ALOXE3: variants seen among roughly 807,000 people sequenced by gnomAD.
ALOXE3 encodes the protein arachidonate epidermal lipoxygenase 3, also known as hydroperoxide isomerase ALOXE3.
A neutral mutation model predicts 87.5 loss-of-function variants in ALOXE3; 78 were observed. The observed-to-expected ratio is 0.89, with a 90% CI of 0.74 to 1.08. ALOXE3 has a LOEUF of 1.08. ALOXE3 is among the 50% of genes least tolerant of loss of function. ALOXE3 has a pLI of 0.00. For missense variants in ALOXE3, 946 were observed against 912.4 expected, an observed-to-expected ratio of 1.04 and a Z score of -0.47; for synonymous variants, 363 against 370.8, an observed-to-expected ratio of 0.98 and a Z score of 0.24.
intron 11 of ALOXE3, 73 bp downstream of exon 11, chr17:8,109,825 GGGGCTTGGGCGCAGAACA>G (rs1979866942): frequency 7.4e-7 from 1 of 1,352,804 alleles, no homozygotes; most frequent in South Asian, 1.3e-5. Flanking sequence ...GTCCTCACAA[GGGGCTTGGGCGCAGAACA>G]GGGCTTGGGG....
chr17:8,097,414 T>C (rs1443795113), intron 15 of ALOXE3, among the ~76,000 whole-genome samples: 1 of 151,908 alleles, frequency 6.6e-6, no homozygotes, highest in Non-Finnish European at 1.5e-5. Context: ...TACCCAAGAA[T>C]ATAACAATTA....
chr17:8,114,410 G>T, intron 6 of ALOXE3, 74 bp downstream of exon 6: 2 of 1,604,156 alleles, frequency 1.2e-6, no homozygotes, highest in Non-Finnish European at 1.7e-6. Context: ...GGGAGAAGGG[G>T]CAGTCTGGGA....
intron 13 of ALOXE3, among the ~76,000 whole-genome samples, chr17:8,106,206 G>A (rs1156509702): frequency 6.6e-6 from 1 of 151,920 alleles, no homozygotes; most frequent in Non-Finnish European, 1.5e-5. Flanking sequence ...CACCTAACTG[G>A]ATTTAGGAAG....
rs1159863883 is a variant in ALOXE3, at chr17:8,109,901, G to A, written c.1392+15C>T. The A allele has an allele frequency of 6.5e-7, 1 of 1,547,598 alleles. No individual in the cohort carries two copies. Among genetic ancestry groups the A allele is most frequent in the Non-Finnish European group, 8.7e-7 (1 of 1,145,502 alleles). Reference sequence around the variant, plus strand: ...TTCGGGGGCGGAGATCAGTGACCCGGCAGGGAGGCCGCACCTGGTCCACGA... The same window carrying A: ...TTCGGGGGCGGAGATCAGTGACCCGACAGGGAGGCCGCACCTGGTCCACGA... On this transcript the variant is annotated intron_variant, in intron 11 of 15. Transcript: ENST00000448843.
In ALOXE3 at chr17:8,099,149, C is replaced by T. The variant is rs138132623; in HGVS notation, c.1957-2343G>A. Among the ~76,000 whole-genome samples the T allele has an allele frequency of 6.5e-3, 992 of 151,936 alleles. 12 individuals are homozygous for T. The highest frequency in any genetic ancestry group is 0.022 in the African/African-American group (912 of 41,434). ...CTGGGATTACAGGCATGAGCCACTG[C>T]ACCCGGCCTTATAATTTCATTTTCG... On this transcript the variant is annotated intron_variant, in intron 15 of 15. Coordinates refer to ENST00000448843, the MANE Select transcript of ALOXE3 (RefSeq NM_021628.3).
intron 6 of ALOXE3, among the ~76,000 whole-genome samples, chr17:8,114,123 G>A (rs564566249): frequency 9.5e-4 from 145 of 151,982 alleles, no homozygotes; most frequent in African/African-American, 3.2e-3. Context: ...GCCCAGGAAC[G>A]ATGTCACCTG....
intron 15 of ALOXE3, among the ~76,000 whole-genome samples, 173 bp from the exon 16 acceptor site, chr17:8,096,979 C>T (rs1285558419): frequency 6.6e-6 from 1 of 152,176 alleles, no homozygotes; most frequent in Non-Finnish European, 1.5e-5. Flanking sequence ...CACGAGGCCC[C>T]CCAGCACCCA....
intron 11 of ALOXE3, among the ~76,000 whole-genome samples, chr17:8,109,699 G>T (rs1293768000): frequency 1.3e-5 from 2 of 150,586 alleles, no homozygotes; most frequent in Non-Finnish European, 3.0e-5. Context: ...CGGTGAGGCT[G>T]CGGGGGCGGG....
At chr17:8,117,623 GAAGTCCCTCT>G (rs1354937462) in intron 2 of ALOXE3, among the ~76,000 whole-genome samples, 1 of 152,306 alleles carries the variant, frequency 6.6e-6, no homozygotes, top group South Asian at 2.1e-4. Context: ...GGAGCCAGGG[GAAGTCCCTCT>G]ACTCCCTGTC....
At position 8,109,012 on chromosome 17, in the gene ALOXE3, G is replaced by A. The variant is rs1411964561; in HGVS notation, c.1562+162C>T. Among the ~76,000 whole-genome samples, 3 of 152,146 alleles carry A rather than the reference G, an allele frequency of 2.0e-5. No individual in the cohort carries two copies. In the South Asian group the frequency reaches 6.2e-4, roughly 32 times the overall value. Reference sequence around the variant, plus strand: ...GCCCCTCTCTGGACGGCAGCTACCTGCCATTTCAGAAGGGACCCCAAACTC... The same window carrying A: ...GCCCCTCTCTGGACGGCAGCTACCTACCATTTCAGAAGGGACCCCAAACTC... On this transcript the variant is annotated intron_variant, in intron 12 of 15. Coordinates refer to ENST00000448843, the MANE Select transcript of ALOXE3 (RefSeq NM_021628.3).
At position 8,110,455 on chromosome 17, in the gene ALOXE3, T is replaced by G. The variant is rs142781546; in HGVS notation, c.1031A>C (p.Gln344Pro). ...APTHCLNGRQ[Q>P]YVAAPLCLLW... The stretch of plus-strand genomic sequence containing the variant: ...CAGGCACAGTGGGGCGGCCACGTAC[T>G]GCTGGCGGCCGTTTAGGCAGTGGGT... The change falls in exon 9 of 16, where the codon CAG becomes CCG. Residue 344 changes from glutamine to proline, a missense_variant. Transcript: ENST00000448843. The G allele has an allele frequency of 5.7e-5, 92 of 1,613,472 alleles. No individual in the cohort carries two copies. Among genetic ancestry groups the G allele is most frequent in the Non-Finnish European group, 7.5e-5 (88 of 1,179,730 alleles).
At chr17:8,097,479 G>T (rs1459365149) in intron 15 of ALOXE3, among the ~76,000 whole-genome samples, 1 of 152,076 alleles carries the variant, frequency 6.6e-6, no homozygotes, top group East Asian at 1.9e-4. Context: ...CTGGTTCTAA[G>T]GTACCTTCAC....
At chr17:8,109,368 C>A (rs745763413) in intron 11 of ALOXE3, 25 bp from the exon 12 acceptor site, 2 of 1,609,844 alleles carry the variant, frequency 1.2e-6, no homozygotes, top group South Asian at 2.2e-5. Context: ...CAGCTCGGCT[C>A]CCGGGCCGGC....
In ALOXE3 at chr17:8,117,271, T is replaced by G. The variant is rs1013659725; in HGVS notation, c.148-291A>C. Among the ~76,000 whole-genome samples, 3 of 152,054 alleles carry G rather than the reference T, an allele frequency of 2.0e-5. No individual in the cohort carries two copies. The South Asian group carries it at 6.2e-4, about 32-fold the overall frequency. Reference sequence around the variant, plus strand: ...GCTTCTCTACTAAAAATACAAAAAATTAGTCGGGCGTCGTGGCAGGCGCCT... The same window carrying G: ...GCTTCTCTACTAAAAATACAAAAAAGTAGTCGGGCGTCGTGGCAGGCGCCT... On this transcript the variant is annotated intron_variant, in intron 2 of 15. Transcript: ENST00000448843.
chr17:8,104,555 G>A (rs567049106), intron 13 of ALOXE3, among the ~76,000 whole-genome samples: 3 of 152,296 alleles, frequency 2.0e-5, no homozygotes, highest in East Asian at 1.9e-4. Context: ...AATCCTACCC[G>A]GTTCACCAAG....
intron 8 of ALOXE3, 113 bp downstream of exon 8, chr17:8,111,246 A>C: frequency 7.5e-7 from 1 of 1,339,546 alleles, no homozygotes; most frequent in East Asian, 2.3e-5. Flanking sequence ...GATGAGGCCC[A>C]CAGGTGAAAT....
rs756613688 is a variant in ALOXE3 at position 8,115,101 on chromosome 17, T to C, written c.435-44A>G. 2.0e-5 allele frequency: 32 copies of C among 1,612,672 alleles called. No individual in the cohort carries two copies. The Admixed American group carries it at 5.3e-4, about 27-fold the overall frequency. Reference sequence around the variant, plus strand: ...CAGAGGTGGCAGGTCATGCTCGGGATAAACACAAGTCTTAGCTTTAAAGAC... The same window carrying C: ...CAGAGGTGGCAGGTCATGCTCGGGACAAACACAAGTCTTAGCTTTAAAGAC... On this transcript the variant is annotated intron_variant, in intron 4 of 15. Transcript: ENST00000448843.
chr17:8,115,521 A>C, intron 4 of ALOXE3, 86 bp downstream of exon 4: 5 of 1,399,886 alleles, frequency 3.6e-6, no homozygotes, highest in Non-Finnish European at 5.0e-6. Context: ...CCCAAGGTTG[A>C]GAATGAGGTT....
At chr17:8,107,845 G>GGTTGGTGGCTGGAGGGGCC (rs1979482410) in intron 13 of ALOXE3, among the ~76,000 whole-genome samples, 1 of 2,258 alleles carries the variant, frequency 4.4e-4, no homozygotes, top group Admixed American at 6.9e-3. Context: ...AAGAAAGAAA[G>GGTTGGTGGCTGGAGGGGCC]AAAGAAAGAA....
Sources: gnomAD v4.1 joint callset for allele counts (sites outside exome capture counted in the v4.1 genomes callset) on GRCh38, gnomAD v4.1.1 for gene constraint, MANE v1.5 for transcripts, NCBI Gene and HGNC (gene_info 2026-07-23, HGNC 2026-07-21) for gene names.